Variants in DDX49 observed in about 807,000 individuals in gnomAD.
DDX49 encodes the protein probable ATP-dependent RNA helicase DDX49.
Under a neutral mutation model 56.3 loss-of-function variants are expected in DDX49, and 50 were observed. The observed-to-expected ratio is 0.89, with a 90% CI of 0.71 to 1.12. The LOEUF (loss-of-function observed/expected upper bound fraction) is 1.12, where lower values mean the gene tolerates loss of function less well. DDX49 is among the 50% of genes most tolerant of loss of function. DDX49 has a pLI of 0.00. For synonymous variants in DDX49, 269 were observed against 270.6 expected, an observed-to-expected ratio of 0.99 and a Z score of 0.06; for missense variants, 614 against 650.5, an observed-to-expected ratio of 0.94 and a Z score of 0.61.
chr19:18,920,687 G>T lies in DDX49; in HGVS notation c.223G>T (p.Val75Phe). The stretch of plus-strand genomic sequence containing the variant: ...GGATCCCTATGGCATCTTCTGCCTC[G>T]TCCTGACACCCACCAGGTAAGCCCC... ...SEDPYGIFCL[V>F]LTPTRELAYQ... The change falls in exon 2 of 13, where the codon GTC becomes TTC. Residue 75 changes from valine to phenylalanine, a missense_variant. Physicochemically the swap from Val to Phe is conservative, Grantham distance 50 (BLOSUM62 -1). Transcript: ENST00000247003. 6.2e-7 allele frequency: 1 copy of T among 1,604,378 alleles called. No homozygotes were observed. The highest frequency in any genetic ancestry group is 1.3e-5 in the African/African-American group (1 of 74,902).
In DDX49 at chr19:18,924,971, C is replaced by G. The variant is rs764360429; in HGVS notation, c.1019C>G (p.Ala340Gly). Residue 340 changes from alanine (A) to glycine (G), a missense_variant, in exon 9 of 13, where the codon GCC becomes GGC. Transcript: ENST00000247003. Reference sequence around the variant, plus strand: ...TACATCCACCGAGTCGGCCGGACGGCCCGTGCAGGTGAGCAGTGGAGGGGG... The same window carrying G: ...TACATCCACCGAGTCGGCCGGACGGGCCGTGCAGGTGAGCAGTGGAGGGGG... ...KIYIHRVGRTARAGRQGQAIT... is the reference protein window; with the variant it reads ...KIYIHRVGRTGRAGRQGQAIT... 1 of 1,610,786 alleles carries G rather than the reference C, an allele frequency of 6.2e-7. No individual in the cohort carries two copies. The highest frequency in any genetic ancestry group is 8.5e-7 in the Non-Finnish European group (1 of 1,179,774).
chr19:18,924,316 C>T lies in DDX49; in HGVS notation c.852+8C>T. ...CACTCCATGATGAAGCAGGTGAGGCCACCCTGGGGCCCGCCAGCCTCACCC... is the reference window on the plus strand; with the variant it reads ...CACTCCATGATGAAGCAGGTGAGGCTACCCTGGGGCCCGCCAGCCTCACCC... On this transcript the variant is annotated splice_region_variant and intron_variant, in intron 7 of 12. Coordinates refer to ENST00000247003, the MANE Select transcript of DDX49 (RefSeq NM_019070.5). The T allele has an allele frequency of 1.2e-6, 2 of 1,607,600 alleles. No individual in the cohort carries two copies. The highest frequency in any genetic ancestry group is 1.7e-6 in the Non-Finnish European group (2 of 1,178,474).
chr19:18,920,491 C>A, intron 1 of DDX49, 89 bp from the exon 2 acceptor site: 1 of 1,384,246 alleles, frequency 7.2e-7, no homozygotes, highest in Non-Finnish European at 9.9e-7. Flanking sequence ...TCCAGCCTGC[C>A]ACTCACTGGC....
At position 18,921,858 on chromosome 19, in the gene DDX49, C is replaced by T. The variant is rs771624240; in HGVS notation, c.341C>T (p.Ala114Val). The change falls in exon 4 of 13, where the codon GCG becomes GTG. Residue 114 changes from alanine to valine, a missense_variant. Coordinates refer to ENST00000247003, the MANE Select transcript of DDX49 (RefSeq NM_019070.5). ...IVGGMDMVAQ[A>V]LELSRKPHVV... The stretch of plus-strand genomic sequence containing the variant: ...TGTCCCCCAGACATGGTGGCCCAGG[C>T]GCTGGAGCTCTCTCGGAAACCACAC... The T allele has an allele frequency of 3.2e-5, 51 of 1,613,852 alleles. No homozygotes were observed. In the East Asian group the frequency reaches 7.6e-4, roughly 24 times the overall value.
chr19:18,920,686 C>T lies in DDX49; in HGVS notation c.222C>T (p.Leu74=), dbSNP rs142390134. The T allele has an allele frequency of 2.2e-5, 35 of 1,604,592 alleles. No individual in the cohort carries two copies. The highest frequency in any genetic ancestry group is 1.6e-4 in the African/African-American group (12 of 74,938). The change falls in exon 2 of 13, where the codon CTC becomes CTT. Residue 74 remains leucine (L), a synonymous_variant. Coordinates refer to ENST00000247003, the MANE Select transcript of DDX49 (RefSeq NM_019070.5). The part of the protein sequence containing the change: ...LSEDPYGIFC[L]VLTPTRELAY... ...AGGATCCCTATGGCATCTTCTGCCT[C>T]GTCCTGACACCCACCAGGTAAGCCC...
intron 1 of DDX49, among the ~76,000 whole-genome samples, chr19:18,920,078 C>T (rs1410210340): frequency 1.3e-5 from 2 of 152,216 alleles, no homozygotes; most frequent in East Asian, 1.9e-4. Flanking sequence ...CTGAAATTTT[C>T]ATAGTCTCAG....
chr19:18,922,197 T>G (rs769038881), intron 4 of DDX49, 129 bp from the exon 5 acceptor site: 2 of 1,273,124 alleles, frequency 1.6e-6, no homozygotes, highest in South Asian at 1.4e-5. Context: ...GGGGCAGGCC[T>G]CCCTTGGAAG....
intron 10 of DDX49, 91 bp downstream of exon 10, chr19:18,926,468 C>G: frequency 8.2e-7 from 1 of 1,222,974 alleles, no homozygotes; most frequent in Non-Finnish European, 1.2e-6. Flanking sequence ...CCGTCAGACA[C>G]CAGCCGGCCT....
Position 18,924,964 on chromosome 19 carries a change from C to T in DDX49, c.1012C>T (p.Arg338Trp). Reference sequence around the variant, plus strand: ...CAAGATCTACATCCACCGAGTCGGCCGGACGGCCCGTGCAGGTGAGCAGTG... The same window carrying T: ...CAAGATCTACATCCACCGAGTCGGCTGGACGGCCCGTGCAGGTGAGCAGTG... ...LPKIYIHRVG[R>W]TARAGRQGQA... The change falls in exon 9 of 13, where the codon CGG becomes TGG. Residue 338 changes from arginine to tryptophan, a missense_variant. Coordinates refer to ENST00000247003, the MANE Select transcript of DDX49 (RefSeq NM_019070.5). 3.7e-6 allele frequency: 6 copies of T among 1,611,330 alleles called. No individual in the cohort carries two copies. Among genetic ancestry groups the T allele is most frequent in the Non-Finnish European group, 5.1e-6 (6 of 1,179,882 alleles).
At position 18,927,898 on chromosome 19, in the gene DDX49, CGGGGGTGCTCCCTTCCA is replaced by C. The variant is rs760680098; in HGVS notation, c.1191+47_1192-48del. On this transcript the variant is annotated intron_variant, in intron 11 of 12. Transcript: ENST00000247003. ...CAGGAACTAAAGTGCTCTCCAGGGC[CGGGGGTGCTCCCTTCCA>C]GGTGGGGCCCCCGTGACCAGCATCT... is the stretch of plus-strand genomic sequence containing the variant. 1.9e-6 allele frequency: 3 copies of C among 1,613,706 alleles called. No individual in the cohort carries two copies. The Admixed American group carries it at 5.0e-5, about 27-fold the overall frequency.
At chr19:18,924,773 CTCAGGCATG>C in intron 8 of DDX49, 74 bp downstream of exon 8, 1 of 1,613,076 alleles carries the variant, frequency 6.2e-7, no homozygotes, top group Non-Finnish European at 8.5e-7. Context: ...GAAGGCTGGC[CTCAGGCATG>C]TCAGGCAGCC....
rs1265603852 is a variant in DDX49 at position 18,927,951 on chromosome 19, C to A, written c.1192-14C>A. On this transcript the variant is annotated splice_polypyrimidine_tract_variant and intron_variant, in intron 11 of 12. Transcript: ENST00000247003. ...CCGTGACCAGCATCTCCTTACCCCA[C>A]TTCCCTCCACCAGAAACTGGAGGCG... 1 of 1,614,008 alleles carries A rather than the reference C, an allele frequency of 6.2e-7. No homozygotes were observed. Among genetic ancestry groups the A allele is most frequent in the East Asian group, 2.2e-5 (1 of 44,826 alleles).
Position 18,922,355 on chromosome 19 carries a change from A to T in DDX49, c.477A>T (p.Glu159Asp). 6.2e-7 allele frequency: 1 copy of T among 1,611,694 alleles called. No homozygotes were observed. The highest frequency in any genetic ancestry group is 8.5e-7 in the Non-Finnish European group (1 of 1,179,652). ...TGGATGAGGCAGACCGGCTGCTGGA[A>T]CAGGGCTGCACTGACTTCACCGTGG... ...LVMDEADRLL[E>D]QGCTDFTVDL... Residue 159 changes from glutamate to aspartate, a missense_variant, in exon 5 of 13, where the codon GAA becomes GAT. Physicochemically the swap from Glu to Asp is conservative, Grantham distance 45. Coordinates refer to ENST00000247003, the MANE Select transcript of DDX49 (RefSeq NM_019070.5).
In DDX49 at chr19:18,920,600, G is replaced by A. The variant is rs1458580029; in HGVS notation, c.136G>A (p.Ala46Thr). 6.2e-7 allele frequency: 1 copy of A among 1,610,118 alleles called. No homozygotes were observed. The highest frequency in any genetic ancestry group is 8.5e-7 in the Non-Finnish European group (1 of 1,176,676). ...ILEGRDCLGCAKTGSGKTAAF... is the reference protein window; with the variant it reads ...ILEGRDCLGCTKTGSGKTAAF... ...CCCAGGTCGAGACTGCTTGGGCTGTGCTAAGACAGGCAGTGGGAAGACAGC... is the reference window on the plus strand; with the variant it reads ...CCCAGGTCGAGACTGCTTGGGCTGTACTAAGACAGGCAGTGGGAAGACAGC... Residue 46 changes from alanine (A) to threonine (T), a missense_variant, in exon 2 of 13, where the codon GCT becomes ACT. Coordinates refer to ENST00000247003, the MANE Select transcript of DDX49 (RefSeq NM_019070.5).
chr19:18,926,186 C>T, intron 9 of DDX49, 117 bp from the exon 10 acceptor site: 1 of 1,111,686 alleles, frequency 9.0e-7, no homozygotes, highest in Non-Finnish European at 1.3e-6. Flanking sequence ...CCTCCCAAGC[C>T]CAAGCCCTTG....
intron 2 of DDX49, 192 bp downstream of exon 2, chr19:18,920,895 C>T: frequency 2.3e-6 from 1 of 440,038 alleles, no homozygotes; most frequent in Non-Finnish European, 4.0e-6. Flanking sequence ...AATCCCAGCA[C>T]TTTGGGAGCT....
intron 10 of DDX49, 38 bp downstream of exon 10, chr19:18,926,415 T>TGGGGGGGGGGGGAGGAAAGGGGGGGGG: frequency 7.5e-6 from 1 of 132,540 alleles, no homozygotes; most frequent in Admixed American, 1.3e-4. Flanking sequence ...GAAGGAGGGG[T>TGGGGGGGGGGGGAGGAAAGGGGGGGGG]GGGGTGGGCA....
intron 2 of DDX49, 117 bp from the exon 3 acceptor site, chr19:18,921,546 A>G: frequency 1.1e-6 from 1 of 949,954 alleles, no homozygotes; most frequent in Non-Finnish European, 1.7e-6. Context: ...CTTTGTGAAC[A>G]GGACTGGGCA....
chr19:18,922,941 G>A (rs2056931524), intron 6 of DDX49, among the ~76,000 whole-genome samples, 197 bp downstream of exon 6: 1 of 152,180 alleles, frequency 6.6e-6, no homozygotes, highest in Non-Finnish European at 1.5e-5. Flanking sequence ...CAGCCCAGCC[G>A]TTGATGGAAG....
Sources: allele counts gnomAD v4.1 joint callset (sites outside exome capture counted in the v4.1 genomes callset), GRCh38; gene constraint gnomAD v4.1.1; transcripts MANE v1.5; gene names NCBI Gene and HGNC (gene_info 2026-07-23, HGNC 2026-07-21).